ARHGEF9: variants seen among roughly 807,000 people sequenced by gnomAD.
ARHGEF9 encodes the protein rho guanine nucleotide exchange factor 9.
A neutral mutation model predicts 41.3 loss-of-function variants in ARHGEF9; 2 were observed. The observed-to-expected ratio is 0.05, with a 90% CI of 0.02 to 0.15. The LOEUF (loss-of-function observed/expected upper bound fraction) is 0.15. Among genes scored for constraint, ARHGEF9 ranks in the 10% least tolerant of loss-of-function variants. The pLI, the probability that ARHGEF9 is intolerant of heterozygous loss-of-function variation, is 1.00. For missense variants in ARHGEF9, 225 were observed against 424.7 expected, an observed-to-expected ratio of 0.53 and a Z score of 4.13; for synonymous variants, 160 against 154.4, an observed-to-expected ratio of 1.04 and a Z score of -0.27.
intron 1 of ARHGEF9, among the ~76,000 whole-genome samples, chrX:63,733,679 A>G (rs1250736159): frequency 4.5e-5 from 5 of 112,243 alleles, no homozygotes; most frequent in African/African-American, 1.6e-4. Flanking sequence ...GTGAGTCATT[A>G]CACATCAGTT....
At chrX:63,682,023 T>A (rs1238860571) in intron 4 of ARHGEF9, among the ~76,000 whole-genome samples, 1 of 109,772 alleles carries the variant, frequency 9.1e-6, no homozygotes, top group African/African-American at 3.3e-5. Context: ...GAGATTGAAG[T>A]AGTCATTTAA....
rs146743793 is a variant in ARHGEF9, at chrX:63,694,638, C to T, written c.582+2487G>A. Among the ~76,000 whole-genome samples, 471 of 112,204 alleles carry T rather than the reference C, an allele frequency of 4.2e-3. 3 individuals carry two copies. The highest frequency in any genetic ancestry group is 0.014 in the African/African-American group (429 of 30,963). ...TGTATGATTTCACATATATGACATT[C>T]TAGAAAAAGCAAAATTTCAAATAAA... On this transcript the variant is annotated intron_variant, in intron 4 of 9. Transcript: ENST00000671741.
chrX:63,782,672 C>G (rs1382134690), intron 1 of ARHGEF9, among the ~76,000 whole-genome samples: 1 of 112,441 alleles, frequency 8.9e-6, no homozygotes, highest in Non-Finnish European at 1.9e-5. Flanking sequence ...CTTCGGGCAC[C>G]TTGCAAACGA....
At chrX:63,682,912 C>CT (rs782549557) in intron 4 of ARHGEF9, among the ~76,000 whole-genome samples, 1 of 111,250 alleles carries the variant, frequency 9.0e-6, no homozygotes, top group Admixed American at 9.5e-5. Context: ...AGCTTTTCCT[C>CT]TAAGATCTGG....
intron 1 of ARHGEF9, among the ~76,000 whole-genome samples, chrX:63,773,736 G>A (rs1401987717): frequency 8.9e-6 from 1 of 111,936 alleles, no homozygotes; most frequent in Non-Finnish European, 1.9e-5. Flanking sequence ...CAATGTGGAT[G>A]AGCCTCCATC....
At chrX:63,782,367 G>A (rs1313930965) in intron 1 of ARHGEF9, among the ~76,000 whole-genome samples, 3 of 112,009 alleles carry the variant, frequency 2.7e-5, no homozygotes, top group Non-Finnish European at 3.8e-5. Context: ...CATAAAAGCC[G>A]GGTCCTAAAC....
chrX:63,655,266 G>T (rs2048808683), intron 8 of ARHGEF9, among the ~76,000 whole-genome samples: 2 of 112,061 alleles, frequency 1.8e-5, no homozygotes, highest in South Asian at 7.5e-4. Flanking sequence ...GGCTTTCAGT[G>T]TGATATTCTT....
intron 2 of ARHGEF9, among the ~76,000 whole-genome samples, chrX:63,717,034 G>A (rs782228656): frequency 2.7e-5 from 3 of 112,642 alleles, no homozygotes; most frequent in Non-Finnish European, 3.8e-5. Flanking sequence ...TCAGGGCCAA[G>A]CTCTACTGAG....
chrX:63,726,089 C>T (rs1251820333), intron 1 of ARHGEF9, among the ~76,000 whole-genome samples: 2 of 112,110 alleles, frequency 1.8e-5, no homozygotes. Context: ...CTTAAGTTAA[C>T]ATGTTTTGTT....
chrX:63,673,753 CT>C (rs1307577586), intron 6 of ARHGEF9, among the ~76,000 whole-genome samples: 2 of 111,547 alleles, frequency 1.8e-5, no homozygotes, highest in African/African-American at 6.5e-5. Context: ...CCAGAAAGAG[CT>C]TTGAAAGGCT....
Position 63,706,431 on chromosome X carries a change from C to T in ARHGEF9, c.229G>A (p.Asp77Asn), listed in dbSNP as rs1556402200. ...TCGCTGGGCCCCTCCTCCACCTCAT[C>T]CTCCTGGTTCACCCAGAGCTGTGGA... ...SFVRLWVNQE[D>N]EVEEGPSDVQ... is the part of the protein sequence containing the mutation. The change falls in exon 3 of 10, where the codon GAT (aspartate) becomes AAT (asparagine). Residue 77 changes from aspartate (D) to asparagine (N), a missense_variant. Coordinates refer to ENST00000671741, the MANE Select transcript of ARHGEF9 (RefSeq NM_001353921.2). 8.3e-7 allele frequency: 1 copy of T among 1,206,744 alleles called. No homozygotes were observed. The highest frequency in any genetic ancestry group is 1.1e-6 in the Non-Finnish European group (1 of 893,456).
intron 1 of ARHGEF9, among the ~76,000 whole-genome samples, chrX:63,761,655 A>T (rs185044385): frequency 3.7e-4 from 41 of 111,354 alleles, no homozygotes; most frequent in African/African-American, 1.2e-3. Context: ...GAATTTCAAG[A>T]TCTCTTTAGT....
At chrX:63,768,351 T>C (rs2056147893) in intron 1 of ARHGEF9, among the ~76,000 whole-genome samples, 1 of 112,300 alleles carries the variant, frequency 8.9e-6, no homozygotes, top group Non-Finnish European at 1.9e-5. Context: ...ACGGTGTTTA[T>C]ATACCATATT....
chrX:63,675,782 G>C (rs1303265219), intron 5 of ARHGEF9, among the ~76,000 whole-genome samples: 1 of 111,307 alleles, frequency 9.0e-6, no homozygotes, highest in Non-Finnish European at 1.9e-5. Context: ...GTTTTTTTCT[G>C]CTGTTCTTTT....
At chrX:63,681,720 A>C (rs2050636218) in intron 4 of ARHGEF9, among the ~76,000 whole-genome samples, 3 of 111,683 alleles carry the variant, frequency 2.7e-5, no homozygotes, top group African/African-American at 9.8e-5. Flanking sequence ...GAAGGAAAAA[A>C]ATAAAAGATC....
intron 8 of ARHGEF9, among the ~76,000 whole-genome samples, chrX:63,650,635 T>TA (rs1182915334): frequency 1.4e-4 from 15 of 110,185 alleles, no homozygotes; most frequent in Admixed American, 1.1e-3. Flanking sequence ...TCAAAATAGC[T>TA]AAAAAAAATA....
At chrX:63,740,927 G>A (rs1248761916) in intron 1 of ARHGEF9, among the ~76,000 whole-genome samples, 1 of 112,076 alleles carries the variant, frequency 8.9e-6, no homozygotes, top group African/African-American at 3.2e-5. Flanking sequence ...GGTCATTAAG[G>A]ATGAGGCTGG....
intron 1 of ARHGEF9, among the ~76,000 whole-genome samples, chrX:63,770,321 G>A (rs1190514352): frequency 8.9e-6 from 1 of 112,738 alleles, no homozygotes; most frequent in Non-Finnish European, 1.9e-5. Flanking sequence ...TTGCTCCGCT[G>A]TATTTGAAAC....
chrX:63,699,190 T>C (rs782498830), intron 3 of ARHGEF9, among the ~76,000 whole-genome samples: 1 of 111,735 alleles, frequency 8.9e-6, no homozygotes, highest in South Asian at 3.8e-4. Flanking sequence ...GAGTGAAGGC[T>C]TCCTTACCCC....
Sources: allele counts gnomAD v4.1 joint callset (sites outside exome capture counted in the v4.1 genomes callset), GRCh38; gene constraint gnomAD v4.1.1; transcripts MANE v1.5; gene names NCBI Gene and HGNC (gene_info 2026-07-23, HGNC 2026-07-21).